Variants in CD55 observed in about 807,000 individuals in gnomAD.
The protein encoded by CD55 is complement decay-accelerating factor.
A neutral mutation model predicts 45.8 loss-of-function variants in CD55; 41 were observed. The observed-to-expected ratio is 0.90, with a 90% CI of 0.70 to 1.16. CD55 has a LOEUF of 1.16. Among genes scored for constraint, CD55 ranks in the 50% most tolerant of loss-of-function variants. The pLI, the probability that CD55 is intolerant of heterozygous loss-of-function variation, is 0.00. For synonymous variants in CD55, 181 were observed against 181.1 expected, an observed-to-expected ratio of 1.00 and a Z score of 0.01; for missense variants, 416 against 469.8, an observed-to-expected ratio of 0.89 and a Z score of 1.06.
chr1:207,337,497 G>A (rs2102408801), intron 8 of CD55, 88 bp downstream of exon 8: 1 of 755,534 alleles, frequency 1.3e-6, no homozygotes, highest in Non-Finnish European at 2.3e-6. Context: ...AGGATTAAAT[G>A]GTCTCTAATT....
intron 6 of CD55, among the ~76,000 whole-genome samples, chr1:207,335,831 A>G (rs1378921303): frequency 6.6e-6 from 1 of 152,166 alleles, no homozygotes; most frequent in Non-Finnish European, 1.5e-5. Flanking sequence ...AGGGACAGAC[A>G]CTGTGAAATA....
intron 9 of CD55, among the ~76,000 whole-genome samples, chr1:207,352,382 TAAAAA>T (rs989678299): frequency 6.6e-6 from 1 of 152,116 alleles, no homozygotes; most frequent in African/African-American, 2.4e-5. Context: ...ACTCTGTACT[TAAAAA>T]AGGAAAATTT....
intron 9 of CD55, among the ~76,000 whole-genome samples, chr1:207,350,707 T>G (rs1176098616): frequency 6.6e-6 from 1 of 152,154 alleles, no homozygotes; most frequent in Non-Finnish European, 1.5e-5. Context: ...AATGTCCCCT[T>G]TGTCATCTGA....
intron 9 of CD55, among the ~76,000 whole-genome samples, chr1:207,348,085 T>C (rs1245144333): frequency 6.6e-6 from 1 of 152,226 alleles, no homozygotes; most frequent in African/African-American, 2.4e-5. Flanking sequence ...TTTGGGTATA[T>C]ACCCAATAAT....
chr1:207,350,432 C>T (rs183969792), intron 9 of CD55, among the ~76,000 whole-genome samples: 35 of 152,148 alleles, frequency 2.3e-4, no homozygotes, highest in East Asian at 1.9e-3. Context: ...TGATTGGTAC[C>T]GGCTCTTGTT....
At chr1:207,352,860 A>C (rs1363594615) in intron 9 of CD55, among the ~76,000 whole-genome samples, 1 of 151,934 alleles carries the variant, frequency 6.6e-6, no homozygotes, top group Non-Finnish European at 1.5e-5. Context: ...CTCTGTGGCA[A>C]GTACTGTACT....
At chr1:207,337,021 A>G (rs1655207514) in intron 7 of CD55, 2 of 646,536 alleles carry the variant, frequency 3.1e-6, no homozygotes. Context: ...TAAATGTTTC[A>G]GCTACAGGAA....
chr1:207,340,396 C>T (rs542054808), intron 9 of CD55: 22 of 454,536 alleles, frequency 4.8e-5, no homozygotes, highest in African/African-American at 3.5e-4. Flanking sequence ...GACAGGTTCT[C>T]GTCCTGTCAC....
intron 5 of CD55, 130 bp from the exon 6 acceptor site, chr1:207,330,978 G>T: frequency 1.4e-6 from 1 of 699,700 alleles, no homozygotes. Context: ...ATCTCTTGTT[G>T]GTAATGCTGA....
chr1:207,331,343 G>T (rs1158469231), intron 6 of CD55, 47 bp downstream of exon 6: 14 of 1,453,452 alleles, frequency 9.6e-6, no homozygotes, highest in African/African-American at 1.4e-5. Flanking sequence ...TTACCCTCAG[G>T]TCTATATGTG....
intron 5 of CD55, among the ~76,000 whole-genome samples, chr1:207,327,744 C>G (rs534450279): frequency 2.5e-4 from 38 of 152,254 alleles, no homozygotes; most frequent in African/African-American, 8.7e-4. Context: ...GATTGACACT[C>G]TGGTAGGCAA....
At chr1:207,337,677 G>T in intron 8 of CD55, 1 of 311,898 alleles carries the variant, frequency 3.2e-6, no homozygotes, top group Non-Finnish European at 5.9e-6. Context: ...AAAAAATTCT[G>T]TTTCCTGTAG....
At chr1:207,342,688 G>T (rs1173556144) in intron 9 of CD55, among the ~76,000 whole-genome samples, 1 of 152,088 alleles carries the variant, frequency 6.6e-6, no homozygotes, top group Non-Finnish European at 1.5e-5. Context: ...TCTGGTTTTG[G>T]TATCAGGGTA....
chr1:207,345,430 C>CT (rs1482365449), intron 9 of CD55, among the ~76,000 whole-genome samples: 3 of 151,718 alleles, frequency 2.0e-5, no homozygotes, highest in South Asian at 2.1e-4. Flanking sequence ...TTATATGTAT[C>CT]TTTTTTTGAT....
At position 207,359,593 on chromosome 1, in the gene CD55, AT is replaced by A; in HGVS notation, c.1130del (p.Met377ArgfsTer4). On this transcript the variant is annotated frameshift_variant, in exon 10 of 10. Transcript: ENST00000367064. LOFTEE classifies it high-confidence loss of function. ...AGGTTTGCTTGGGACGCTAGTAACC[AT>A]GGGCTTGCTGACTTAGCCAAAGAAG... is the stretch of plus-strand genomic sequence containing the variant. ...LTGLLGTLVT[M>X]GLLT 1 of 1,594,720 alleles carries A rather than the reference AT, an allele frequency of 6.3e-7. No individual in the cohort carries two copies. The highest frequency in any genetic ancestry group is 8.5e-7 in the Non-Finnish European group (1 of 1,172,426).
In CD55 at chr1:207,336,775, T is replaced by G; in HGVS notation, c.936T>G (p.Thr312=). The change falls in exon 7 of 10, where the codon ACT becomes ACG. Residue 312 remains threonine (T), a synonymous_variant. Coordinates refer to ENST00000367064, the MANE Select transcript of CD55 (RefSeq NM_000574.5). The part of the protein sequence containing the change: ...VNVPTTEVSP[T]SQKTTTKTTT... ...TTCCAACTACAGAAGTCTCACCAAC[T>G]TCTCAGAAAACCACCACAAAAACCA... 6.2e-7 allele frequency: 1 copy of G among 1,613,802 alleles called. No homozygotes were observed. Among genetic ancestry groups the G allele is most frequent in the Non-Finnish European group, 8.5e-7 (1 of 1,179,866 alleles).
At chr1:207,330,345 G>T in intron 5 of CD55, among the ~76,000 whole-genome samples, 1 of 142,292 alleles carries the variant, frequency 7.0e-6, no homozygotes, top group African/African-American at 2.5e-5. Flanking sequence ...AAAAAAAAAA[G>T]GACAACAACA....
rs1467410958 is a variant in CD55 at position 207,325,707 on chromosome 1, C to T, written c.564C>T (p.Phe188=). ...GGILFGATIS[F]SCNTGYKLFG... ...TATTATTTGGTGCAACCATCTCCTT[C>T]TCATGTAACACAGGGTAAGTTTGGG... The change falls in exon 4 of 10, where the codon TTC becomes TTT. Residue 188 remains phenylalanine (F), a synonymous_variant. Transcript: ENST00000367064. 1 of 1,601,838 alleles carries T rather than the reference C, an allele frequency of 6.2e-7. No homozygotes were observed. Among genetic ancestry groups the T allele is most frequent in the Admixed American group, 1.7e-5 (1 of 59,706 alleles).
intron 6 of CD55, among the ~76,000 whole-genome samples, chr1:207,335,047 A>G (rs929668878): frequency 6.6e-6 from 1 of 152,200 alleles, no homozygotes; most frequent in Non-Finnish European, 1.5e-5. Context: ...ATATTTTAAG[A>G]TGAAACAGTT....
Sources: allele counts gnomAD v4.1 joint callset (sites outside exome capture counted in the v4.1 genomes callset), GRCh38; gene constraint gnomAD v4.1.1; transcripts MANE v1.5; gene names NCBI Gene and HGNC (gene_info 2026-07-23, HGNC 2026-07-21).